The following CEP43 variants were observed in gnomAD, a reference collection of about 807,000 sequenced individuals.
The protein encoded by CEP43 is FGFR1 oncogene partner.
Under a neutral mutation model 52.6 loss-of-function variants are expected in CEP43, and 36 were observed. That is an observed-to-expected ratio of 0.68 (90% CI 0.52 to 0.90). The LOEUF is 0.90. Ranked by LOEUF, CEP43 falls within the 40% of genes least tolerant of loss-of-function variation. The pLI is 0.00. For synonymous variants in CEP43, 192 were observed against 172.4 expected (o/e 1.11, Z -0.89); for missense variants, 506 against 472.8 (o/e 1.07, Z -0.65).
intron 12 of CEP43, among the ~76,000 whole-genome samples, chr6:167,034,625 T>TGGGAA (rs1562533627): frequency 6.6e-5 from 10 of 151,856 alleles, no homozygotes; most frequent in Non-Finnish European, 1.5e-4. Flanking sequence ...TTCCAGAACA[T>TGGGAA]GGTGGGATTC....
chr6:167,030,729 C>T (rs769171681), intron 10 of CEP43, among the ~76,000 whole-genome samples: 2 of 152,216 alleles, frequency 1.3e-5, no homozygotes, highest in Non-Finnish European at 2.9e-5. Flanking sequence ...TGACAGCCTT[C>T]TGCTTTCCTT....
chr6:167,013,648 C>G, intron 7 of CEP43, 81 bp downstream of exon 7: 5 of 1,136,866 alleles, frequency 4.4e-6, no homozygotes, highest in Non-Finnish European at 6.6e-6. Flanking sequence ...GCGCTGGGCT[C>G]CTGTCAGATT....
intron 1 of CEP43, chr6:166,999,732 T>A: frequency 2.0e-6 from 1 of 491,944 alleles, no homozygotes; most frequent in Non-Finnish European, 3.5e-6. Flanking sequence ...GGACTGGGGG[T>A]GCCTGGCCCA....
In CEP43 at chr6:167,041,481, TGTAATCTTGTTGCA is replaced by T. The variant is rs1374898776; in HGVS notation, c.*1506_*1519del. 3.8e-6 allele frequency: 4 copies of T among 1,058,580 alleles called. No homozygotes were observed. In the African/African-American group the frequency reaches 6.6e-5, roughly 17 times the overall value. 65.6% of individuals were successfully genotyped at this position (1,058,580 alleles called of 1,614,324 possible). On this transcript the variant is annotated 3_prime_UTR_variant, in exon 13 of 13. Coordinates refer to ENST00000366847, the MANE Select transcript of CEP43 (RefSeq NM_007045.4). ...CTTAGTAAACAGCACCACGTGCAGA[TGTAATCTTGTTGCA>T]GTCCCCCAGTGTGGTTGTTATAAAA...
At chr6:167,000,261 C>A in intron 2 of CEP43, 148 bp downstream of exon 2, 1 of 570,876 alleles carries the variant, frequency 1.8e-6, no homozygotes. Context: ...GAGAGAGAGC[C>A]AAAATTATTC....
intron 12 of CEP43, among the ~76,000 whole-genome samples, chr6:167,037,341 AT>A (rs1202720964): frequency 1.4e-5 from 2 of 141,238 alleles, no homozygotes; most frequent in African/African-American, 4.9e-5. Flanking sequence ...GTAGTTTAGC[AT>A]TTGTATTAAT....
At position 167,049,781 on chromosome 6, in the gene CEP43, T is replaced by C. The variant is rs1184873635; in HGVS notation, c.*9803T>C. 6.6e-6 allele frequency: 1 copy of C among 152,218 alleles called. No homozygotes were observed. The highest frequency in any genetic ancestry group is 2.4e-5 in the African/African-American group (1 of 41,462). The allele number at this position is 152,218 out of a possible 1,614,324, so 9.4% of individuals were successfully genotyped here. A position where few individuals can be genotyped will look rare whatever the true frequency, so the allele number is the denominator to read the frequency against. The stretch of plus-strand genomic sequence containing the variant: ...ACTCTATGTTTGGTGTTTTGAAGAA[T>C]TGCTAAATTGTTTTCCAAAGCAGCT... On this transcript the variant is annotated 3_prime_UTR_variant, in exon 13 of 13. Coordinates refer to ENST00000366847, the MANE Select transcript of CEP43 (RefSeq NM_007045.4).
In CEP43 at chr6:167,026,614, A is replaced by C. The variant is rs756729225; in HGVS notation, c.987A>C (p.Leu329Phe). The C allele has an allele frequency of 1.3e-6, 2 of 1,558,074 alleles. No homozygotes were observed. Among genetic ancestry groups the C allele is most frequent in the Non-Finnish European group, 1.8e-6 (2 of 1,129,258 alleles). ...LISDKIGSLG[L>F]GTGEDDDYVD... ...GTGATAAAATTGGATCACTTGGATT[A>C]GGTAATTAGATTTCTAGTTTTTGTG... Residue 329 changes from leucine to phenylalanine, a missense_variant and splice_region_variant, in exon 10 of 13, where the codon TTA becomes TTC. By Grantham distance (22) the Leu-to-Phe change is conservative. Coordinates refer to ENST00000366847, the MANE Select transcript of CEP43 (RefSeq NM_007045.4).
intron 5 of CEP43, among the ~76,000 whole-genome samples, chr6:167,007,489 A>G (rs1415550932): frequency 6.6e-6 from 1 of 152,176 alleles, no homozygotes; most frequent in Non-Finnish European, 1.5e-5. Flanking sequence ...TAATATCTGG[A>G]TATTTAATTT....
chr6:167,013,772 G>A (rs1014651093), intron 7 of CEP43, among the ~76,000 whole-genome samples: 56 of 152,312 alleles, frequency 3.7e-4, no homozygotes, highest in African/African-American at 1.3e-3. Context: ...TCAGGAGTTC[G>A]AGACCATCCT....
rs1389287269 is a variant in CEP43 at position 167,040,041 on chromosome 6, T to TC, written c.*63_*64insC. ...GGACTGACCGGTTCCATTTTTTTTTTTTCCAGACAATCACTCAGCTGGAAT... is the reference window on the plus strand; with the variant it reads ...GGACTGACCGGTTCCATTTTTTTTTTCTTCCAGACAATCACTCAGCTGGAAT... On this transcript the variant is annotated 3_prime_UTR_variant, in exon 13 of 13. Transcript: ENST00000366847. 6.2e-7 allele frequency: 1 copy of TC among 1,613,164 alleles called. No homozygotes were observed. Among genetic ancestry groups the TC allele is most frequent in the Non-Finnish European group, 8.5e-7 (1 of 1,179,734 alleles).
intron 2 of CEP43, among the ~76,000 whole-genome samples, chr6:167,002,703 G>C (rs1779765469): frequency 6.6e-6 from 1 of 152,184 alleles, no homozygotes; most frequent in Non-Finnish European, 1.5e-5. Flanking sequence ...TGGTCTAGAA[G>C]TATTTTTTCC....
intron 7 of CEP43, among the ~76,000 whole-genome samples, chr6:167,017,855 A>G (rs1203976236): frequency 6.6e-6 from 1 of 152,196 alleles, no homozygotes; most frequent in East Asian, 1.9e-4. Flanking sequence ...GTGCTGTGCA[A>G]TAGGTCCCTC....
chr6:167,016,263 G>A (rs966693905), intron 7 of CEP43, among the ~76,000 whole-genome samples: 2 of 152,104 alleles, frequency 1.3e-5, no homozygotes, highest in African/African-American at 4.8e-5. Context: ...GTTTTCAGGT[G>A]TCTGTTTCTT....
intron 10 of CEP43, among the ~76,000 whole-genome samples, chr6:167,030,404 T>A (rs953936118): frequency 5.3e-5 from 8 of 152,200 alleles, no homozygotes; most frequent in African/African-American, 1.9e-4. Flanking sequence ...AGATTTCCAC[T>A]TCTCCTTCTC....
chr6:167,033,905 A>G lies in CEP43; in HGVS notation c.1059A>G (p.Ile353Met), dbSNP rs373250150. 4 of 1,595,352 alleles carry G rather than the reference A, an allele frequency of 2.5e-6. No homozygotes were observed. The highest frequency in any genetic ancestry group is 1.3e-5 in the African/African-American group (1 of 74,384). The change falls in exon 12 of 13, where the codon ATA (isoleucine) becomes ATG (methionine). Residue 353 changes from isoleucine (I) to methionine (M), a missense_variant. Physicochemically the swap from Ile to Met is conservative, Grantham distance 10 (BLOSUM62 1). Coordinates refer to ENST00000366847, the MANE Select transcript of CEP43 (RefSeq NM_007045.4). The stretch of plus-strand genomic sequence containing the variant: ...GCCATCGCTCAGAGAAAAGTGAGAT[A>G]AGTATTGGTGAAGAGATAGAAGAAG... ...STSHRSEKSE[I>M]SIGEEIEEDL...
chr6:167,018,088 G>A (rs1780142175), intron 7 of CEP43, among the ~76,000 whole-genome samples: 1 of 152,130 alleles, frequency 6.6e-6, no homozygotes, highest in Non-Finnish European at 1.5e-5. Flanking sequence ...TGTTTGGCTT[G>A]TAGATGGATT....
At chr6:167,037,259 A>T (rs1463063940) in intron 12 of CEP43, among the ~76,000 whole-genome samples, 1 of 152,230 alleles carries the variant, frequency 6.6e-6, no homozygotes, top group Non-Finnish European at 1.5e-5. Flanking sequence ...TAAATTAATG[A>T]TCTCCAATAA....
chr6:167,008,643 A>T (rs976496341), intron 5 of CEP43, among the ~76,000 whole-genome samples: 1 of 151,194 alleles, frequency 6.6e-6, no homozygotes, highest in African/African-American at 2.4e-5. Flanking sequence ...AATTTTTTTT[A>T]TTTTTTTATT....
Sources: gnomAD v4.1 joint callset for allele counts (sites outside exome capture counted in the v4.1 genomes callset) on GRCh38, gnomAD v4.1.1 for gene constraint, MANE v1.5 for transcripts, NCBI Gene and HGNC (gene_info 2026-07-23, HGNC 2026-07-21) for gene names.